Variants in VNN2 observed in about 807,000 individuals in gnomAD.
The protein encoded by VNN2 is pantetheine hydrolase VNN2.
In VNN2, 43 loss-of-function variants were observed where a neutral mutation model predicts 43.0. That is an observed-to-expected ratio of 1.00 (90% confidence interval 0.78 to 1.29). The LOEUF (loss-of-function observed/expected upper bound fraction) is 1.29. VNN2 is among the 50% of genes most tolerant of loss of function. The pLI, the probability that VNN2 is intolerant of heterozygous loss-of-function variation, is 0.00. For synonymous variants in VNN2, 230 were observed against 224.3 expected (o/e 1.03, Z -0.23); for missense variants, 652 against 619.7 (o/e 1.05, Z -0.55).
intron 5 of VNN2, 70 bp downstream of exon 5, chr6:132,751,075 G>A (rs1378147698): frequency 8.6e-6 from 13 of 1,517,376 alleles, no homozygotes; most frequent in Non-Finnish European, 1.1e-5. Context: ...TGGTTTTCTG[G>A]AACAAATATA....
In VNN2 at chr6:132,757,419, T is replaced by TG. The variant is rs1780540682; in HGVS notation, c.340dup (p.His114ProfsTer34). On this transcript the variant is annotated frameshift_variant, in exon 2 of 7. Transcript: ENST00000326499. LOFTEE classifies it high-confidence loss of function. ...AAGACTAAGATAGTTAAAATACCTG[T>TG]GGGGGTCTTGACACGGAATCCAGTT... 1 of 1,602,468 alleles carries TG rather than the reference T, an allele frequency of 6.2e-7. No homozygotes were observed. Among genetic ancestry groups the TG allele is most frequent in the South Asian group, 1.1e-5 (1 of 88,770 alleles).
upstream of VNN2, chr6:132,758,059 T>C (rs1461470908): frequency 1.1e-4 from 61 of 547,114 alleles, no homozygotes; most frequent in African/African-American, 9.7e-4. Flanking sequence ...TTTTTTTTTT[T>C]TTTTGAGGCG....
chr6:132,757,703 G>C lies in VNN2; in HGVS notation c.181C>G (p.Leu61Val). 1.2e-6 allele frequency: 2 copies of C among 1,614,146 alleles called. No homozygotes were observed. Among genetic ancestry groups the C allele is most frequent in the Non-Finnish European group, 1.7e-6 (2 of 1,180,024 alleles). ...LNLMNENIDI[L>V]ETAIKQAAEQ... ...GCTGCCTGCTTGATCGCTGTCTCCA[G>C]AATGTCTATATTCTCGTTCATGAGA... Residue 61 changes from leucine (L) to valine (V), a missense_variant, in exon 1 of 7, where the codon CTG becomes GTG. By Grantham distance (32) the Leu-to-Val change is conservative. Transcript: ENST00000326499.
At chr6:132,753,532 C>T (rs1472606667) in intron 3 of VNN2, 5 of 445,624 alleles carry the variant, frequency 1.1e-5, no homozygotes, top group South Asian at 3.2e-5. Context: ...TTTCCCGATT[C>T]CTTCTAGGTA....
At chr6:132,750,661 C>CA (rs746788690) in intron 5 of VNN2, among the ~76,000 whole-genome samples, 1,966 of 76,248 alleles carry the variant, frequency 0.026, 47 homozygotes, top group African/African-American at 0.077. Flanking sequence ...GAAATTGTCT[C>CA]AAAAAAAAAA....
chr6:132,753,850 G>C (rs1462190158), intron 3 of VNN2: 6 of 155,482 alleles, frequency 3.9e-5, no homozygotes, highest in Non-Finnish European at 7.1e-5. Context: ...CTACTCAGGA[G>C]GCTGAGGCAG....
chr6:132,760,163 G>T (rs1488300690), upstream of VNN2, among the ~76,000 whole-genome samples: 1 of 151,788 alleles, frequency 6.6e-6, no homozygotes, highest in African/African-American at 2.4e-5. Context: ...GTGTCTTTTG[G>T]GGTTTTTTTG....
Position 132,757,366 on chromosome 6 carries a change from C to A in VNN2, c.344+50G>T, listed in dbSNP as rs375533623. On this transcript the variant is annotated intron_variant, in intron 2 of 6. Coordinates refer to ENST00000326499, the MANE Select transcript of VNN2 (RefSeq NM_004665.6). Reference sequence around the variant, plus strand: ...CAATCATTTTGCTTTGGTGAACGTGCGCATTTTAGAGAGTTACTTTTGCAC... The same window carrying A: ...CAATCATTTTGCTTTGGTGAACGTGAGCATTTTAGAGAGTTACTTTTGCAC... The A allele has an allele frequency of 8.3e-5, 128 of 1,537,868 alleles. 2 individuals carry two copies. The South Asian group carries it at 1.5e-3, about 18-fold the overall frequency.
rs1314210191 is a variant in VNN2, at chr6:132,756,028, G to A, written c.352C>T (p.His118Tyr). 2.5e-6 allele frequency: 4 copies of A among 1,593,760 alleles called. No individual in the cohort carries two copies. In the East Asian group the frequency reaches 6.7e-5, roughly 27 times the overall value. ...IPCQDPHRFG[H>Y]TPVQARLSCL... is the part of the protein sequence containing the mutation. ...CTGAGTCTTGCTTGTACTGGTGTGT[G>A]ACCAAATCTAAACCAAATTATAATT... The change falls in exon 3 of 7, where the codon CAC becomes TAC. Residue 118 changes from histidine to tyrosine, a missense_variant. Transcript: ENST00000326499.
Position 132,744,089 on chromosome 6 carries a change from A to T in VNN2, c.*211T>A. ...TGACCCAAACACCCAGGCTCTTTCC[A>T]TTGTTCCACACTGCAACATTTCAGA... On this transcript the variant is annotated 3_prime_UTR_variant, in exon 7 of 7. Transcript: ENST00000326499. The T allele has an allele frequency of 2.5e-6, 1 of 400,544 alleles. No homozygotes were observed. Among genetic ancestry groups the T allele is most frequent in the Non-Finnish European group, 4.3e-6 (1 of 230,806 alleles). The allele number at this position is 400,544 out of a possible 1,614,324, so 24.8% of individuals were successfully genotyped here.
Position 132,744,198 on chromosome 6 carries a change from T to C in VNN2, c.*102A>G. On this transcript the variant is annotated 3_prime_UTR_variant, in exon 7 of 7. Coordinates refer to ENST00000326499, the MANE Select transcript of VNN2 (RefSeq NM_004665.6). ...AAAATATTTAGGACTCACTGGTCTA[T>C]ACTACTGAAATAGCCCTTCAAAGTT... The C allele has an allele frequency of 9.8e-7, 1 of 1,019,332 alleles. No individual in the cohort carries two copies. Among genetic ancestry groups the C allele is most frequent in the Non-Finnish European group, 1.4e-6 (1 of 692,298 alleles). 63.1% of individuals were successfully genotyped at this position (1,019,332 alleles called of 1,614,324 possible). A position where few individuals can be genotyped will look rare whatever the true frequency, so the allele number is the denominator to read the frequency against.
upstream of VNN2, among the ~76,000 whole-genome samples, chr6:132,761,284 G>A (rs187049921): frequency 2.6e-4 from 40 of 151,798 alleles, no homozygotes; most frequent in Admixed American, 2.1e-3. Flanking sequence ...TGCCATTTTG[G>A]GATTAATGAA....
In VNN2 at chr6:132,744,399, T is replaced by A. The variant is rs750835897; in HGVS notation, c.1464A>T (p.Ser488=). 6.2e-7 allele frequency: 1 copy of A among 1,613,834 alleles called. No individual in the cohort carries two copies. Among genetic ancestry groups the A allele is most frequent in the Non-Finnish European group, 8.5e-7 (1 of 1,179,912 alleles). ...SLFGRWYTKD[S]LYSSCGTSNS... ...TGCTGGTCCCACATGAGCTGTAAAG[T>A]GAGTCCTTTGTGTACCACCTCCCAA... Residue 488 remains serine (S), a synonymous_variant, in exon 7 of 7, where the codon TCA becomes TCT. Transcript: ENST00000326499.
intron 1 of VNN2, 57 bp from the exon 2 acceptor site, chr6:132,757,603 G>A (rs943825428): frequency 1.9e-6 from 3 of 1,607,508 alleles, no homozygotes; most frequent in Non-Finnish European, 2.6e-6. Flanking sequence ...AGACAATTCA[G>A]CTCTCTCGTC....
At chr6:132,757,590 C>T (rs769529431) in intron 1 of VNN2, 44 bp from the exon 2 acceptor site, 1 of 1,609,204 alleles carries the variant, frequency 6.2e-7, no homozygotes, top group Non-Finnish European at 8.5e-7. Context: ...CCATGTACAA[C>T]ACAGACAATT....
chr6:132,752,058 T>C (rs1015651278), intron 4 of VNN2, among the ~76,000 whole-genome samples: 1 of 152,182 alleles, frequency 6.6e-6, no homozygotes, highest in Non-Finnish European at 1.5e-5. Flanking sequence ...CATTAATTGC[T>C]CTAGAGGAAG....
chr6:132,757,057 ACT>A (rs1386731274), intron 2 of VNN2, among the ~76,000 whole-genome samples: 1 of 152,094 alleles, frequency 6.6e-6, no homozygotes, highest in African/African-American at 2.4e-5. Flanking sequence ...GAATGGAGAG[ACT>A]CTATAACATT....
At position 132,751,332 on chromosome 6, in the gene VNN2, CT is replaced by C. The variant is rs1178302153; in HGVS notation, c.1012del (p.Arg338GlyfsTer32). The C allele has an allele frequency of 6.2e-7, 1 of 1,614,022 alleles. No individual in the cohort carries two copies. The highest frequency in any genetic ancestry group is 1.3e-5 in the African/African-American group (1 of 74,924). On this transcript the variant is annotated frameshift_variant, in exon 5 of 7. Coordinates refer to ENST00000326499, the MANE Select transcript of VNN2 (RefSeq NM_004665.6). LOFTEE classifies it high-confidence loss of function. Reference sequence around the variant, plus strand: ...GAACCCATCCCTGGAAATAAATCCCCTGAAAGTGTTTTTCTGTACTGGAAAT... The same window carrying C: ...GAACCCATCCCTGGAAATAAATCCCCGAAAGTGTTTTTCTGTACTGGAAAT... ...KPFPVQKNTFRGFISRDGFNF... is the reference protein window; with the variant it reads ...KPFPVQKNTFXGFISRDGFNF...
rs144708593 is a variant in VNN2, at chr6:132,750,641, G to A, written c.1200+504C>T. ...ATCATGCTACTGCACTCTAGCCAGG[G>A]TGACAGAGTGAAATTGTCTCAAAAA... On this transcript the variant is annotated intron_variant, in intron 5 of 6. Transcript: ENST00000326499. Among the ~76,000 whole-genome samples the A allele has an allele frequency of 4.0e-3, 586 of 146,492 alleles. 3 individuals carry two copies. Among genetic ancestry groups the A allele is most frequent in the African/African-American group, 0.014 (549 of 39,628 alleles).
Sources: gnomAD v4.1 joint callset for allele counts (sites outside exome capture counted in the v4.1 genomes callset) on GRCh38, gnomAD v4.1.1 for gene constraint, MANE v1.5 for transcripts, NCBI Gene and HGNC (gene_info 2026-07-23, HGNC 2026-07-21) for gene names.